Variants in SRGN observed in about 807,000 individuals in gnomAD.
The protein encoded by SRGN is hematopoetic proteoglycan core peptide.
In SRGN, 2 loss-of-function variants were observed where a neutral mutation model predicts 9.5. The observed-to-expected ratio is 0.21, with a 90% CI of 0.09 to 0.66. The LOEUF is 0.66. SRGN is among the 30% of genes least tolerant of loss of function. The probability of loss-of-function intolerance (pLI) is 0.83; values close to 1 mark genes in which losing one functional copy is unlikely to be tolerated. For missense variants in SRGN, 170 were observed against 192.4 expected (o/e 0.88, Z 0.69); for synonymous variants, 59 against 72.3 (o/e 0.82, Z 0.93).
chr10:69,093,431 T>C (rs1840106678), intron 1 of SRGN, among the ~76,000 whole-genome samples: 1 of 152,242 alleles, frequency 6.6e-6, no homozygotes, highest in East Asian at 1.9e-4. Flanking sequence ...TTTGTGTTTC[T>C]ATTGGACAAA....
At chr10:69,101,444 C>T (rs77551224) in intron 2 of SRGN, among the ~76,000 whole-genome samples, 1,672 of 152,250 alleles carry the variant, frequency 0.011, 23 homozygotes, top group African/African-American at 0.038. Flanking sequence ...TGGCTGGTAT[C>T]CTTTTCCCAT....
In SRGN at chr10:69,104,253, C is replaced by T; in HGVS notation, c.*133C>T. 1 of 1,230,708 alleles carries T rather than the reference C, an allele frequency of 8.1e-7. No homozygotes were observed. The highest frequency in any genetic ancestry group is 1.1e-6 in the Non-Finnish European group (1 of 897,318). The allele number at this position is 1,230,708 out of a possible 1,614,324, so 76.2% of individuals were successfully genotyped here. A position where few individuals can be genotyped will look rare whatever the true frequency, so the allele number is the denominator to read the frequency against. On this transcript the variant is annotated 3_prime_UTR_variant, in exon 3 of 3. Transcript: ENST00000242465. Reference sequence around the variant, plus strand: ...TCTGAAAAAGAAGCTTAAGTTTTATCATCCTTTTTTTTCTCATGAATTCTT... The same window carrying T: ...TCTGAAAAAGAAGCTTAAGTTTTATTATCCTTTTTTTTCTCATGAATTCTT...
Position 69,096,801 on chromosome 10 carries a change from C to T in SRGN, c.80-283C>T, listed in dbSNP as rs79313601. On this transcript the variant is annotated intron_variant, in intron 1 of 2. Coordinates refer to ENST00000242465, the MANE Select transcript of SRGN (RefSeq NM_002727.4). ...GACCAGCCTGGGCACATAGTGAGAC[C>T]CCCATCTCTCCAAAAAACAAACAAA... Among the ~76,000 whole-genome samples, 60 of 151,868 alleles carry T rather than the reference C, an allele frequency of 4.0e-4. 1 individual carries two copies. In the East Asian group the frequency reaches 6.0e-3, roughly 15 times the overall value.
intron 1 of SRGN, among the ~76,000 whole-genome samples, chr10:69,094,155 A>G (rs543447793): frequency 6.6e-6 from 1 of 152,320 alleles, no homozygotes; most frequent in East Asian, 1.9e-4. Context: ...AAGTTGGCCA[A>G]GATCACACAG....
intron 2 of SRGN, among the ~76,000 whole-genome samples, 185 bp downstream of exon 2, chr10:69,097,416 A>G (rs1443595303): frequency 1.5e-5 from 2 of 134,464 alleles, no homozygotes; most frequent in Non-Finnish European, 3.2e-5. Context: ...GCCTGCCACC[A>G]TGCCCAGCTA....
At position 69,097,198 on chromosome 10, in the gene SRGN, A is replaced by G. The variant is rs370965977; in HGVS notation, c.194A>G (p.Asn65Ser). The change falls in exon 2 of 3, where the codon AAC becomes AGC. Residue 65 changes from asparagine to serine, a missense_variant. Coordinates refer to ENST00000242465, the MANE Select transcript of SRGN (RefSeq NM_002727.4). ...TTCGAACTACTTCCAGGTGAATCCA[A>G]CAAGATCCCCCGTCTGAGGACTGAC... is the stretch of plus-strand genomic sequence containing the variant. Reference protein sequence around the residue: ...PMFELLPGESNKIPRLRTDLF... With the variant: ...PMFELLPGESSKIPRLRTDLF... The G allele has an allele frequency of 2.5e-6, 4 of 1,613,970 alleles. No individual in the cohort carries two copies. Among genetic ancestry groups the G allele is most frequent in the African/African-American group, 1.3e-5 (1 of 74,906 alleles).
intron 2 of SRGN, among the ~76,000 whole-genome samples, chr10:69,101,612 C>T (rs1249122783): frequency 3.9e-5 from 6 of 152,224 alleles, no homozygotes; most frequent in Non-Finnish European, 7.3e-5. Flanking sequence ...TGCTCCTCTT[C>T]ACAATAACAC....
intron 2 of SRGN, among the ~76,000 whole-genome samples, chr10:69,103,422 T>A (rs1030012579): frequency 2.0e-5 from 3 of 151,884 alleles, no homozygotes; most frequent in Admixed American, 1.3e-4. Flanking sequence ...GCACCCCTGT[T>A]GTCCCAGCTA....
At chr10:69,091,892 A>AAAAAAG in intron 1 of SRGN, among the ~76,000 whole-genome samples, 2 of 97,268 alleles carry the variant, frequency 2.1e-5, no homozygotes, top group African/African-American at 5.5e-5. Context: ...AAAAAAAAAA[A>AAAAAAG]AAAAAAAAAA....
intron 2 of SRGN, chr10:69,098,566 C>T (rs1840226444): frequency 1.3e-5 from 2 of 152,070 alleles, no homozygotes; most frequent in Admixed American, 6.5e-5. Context: ...TGTTTGAGCC[C>T]AGGAGTTTGA....
chr10:69,102,006 G>A (rs1158587995), intron 2 of SRGN, among the ~76,000 whole-genome samples: 3 of 151,900 alleles, frequency 2.0e-5, no homozygotes, highest in South Asian at 2.1e-4. Context: ...CCATGATCAC[G>A]CCACTGCACT....
intron 2 of SRGN, among the ~76,000 whole-genome samples, chr10:69,102,234 C>T (rs1840307890): frequency 6.6e-6 from 1 of 152,108 alleles, no homozygotes; most frequent in Non-Finnish European, 1.5e-5. Context: ...TTTCTCTCGA[C>T]GACCTCCATC....
At chr10:69,088,007 G>T, upstream of SRGN, 1 of 643,096 alleles carries the variant, frequency 1.6e-6, no homozygotes, top group Non-Finnish European at 2.8e-6. Flanking sequence ...TTTTGATGTG[G>T]ATGTCTTTCT....
At chr10:69,103,816 T>C in intron 2 of SRGN, 55 bp from the exon 3 acceptor site, 1 of 1,576,474 alleles carries the variant, frequency 6.3e-7, no homozygotes, top group Non-Finnish European at 8.6e-7. Flanking sequence ...TATAATTATC[T>C]TTCCCACATA....
At chr10:69,099,967 G>T (rs1276348432) in intron 2 of SRGN, among the ~76,000 whole-genome samples, 1 of 152,140 alleles carries the variant, frequency 6.6e-6, no homozygotes, top group African/African-American at 2.4e-5. Flanking sequence ...CCTCACGCCT[G>T]TAATCCCAAC....
intron 2 of SRGN, chr10:69,098,641 A>C (rs1002570709): frequency 6.6e-6 from 1 of 151,818 alleles, no homozygotes; most frequent in Admixed American, 6.6e-5. Flanking sequence ...TATTAAAAAA[A>C]TGTTCTTCAA....
intron 1 of SRGN, 99 bp from the exon 2 acceptor site, chr10:69,096,985 C>T: frequency 7.7e-7 from 1 of 1,292,376 alleles, no homozygotes; most frequent in Non-Finnish European, 1.0e-6. Flanking sequence ...CCGACTGAGA[C>T]CCTGTCTCGA....
chr10:69,094,820 T>C (rs944933958), intron 1 of SRGN, among the ~76,000 whole-genome samples: 9 of 151,910 alleles, frequency 5.9e-5, no homozygotes, highest in African/African-American at 2.2e-4. Context: ...CCAGCCTGTA[T>C]TGAACTCCTG....
chr10:69,103,057 A>G (rs894137726), intron 2 of SRGN, among the ~76,000 whole-genome samples: 2 of 151,888 alleles, frequency 1.3e-5, no homozygotes, highest in Non-Finnish European at 2.9e-5. Context: ...CTCTCACCTC[A>G]GCCTTCCGAG....
Sources: allele counts gnomAD v4.1 joint callset (sites outside exome capture counted in the v4.1 genomes callset), GRCh38; gene constraint gnomAD v4.1.1; transcripts MANE v1.5; gene names NCBI Gene and HGNC (gene_info 2026-07-23, HGNC 2026-07-21).